Variants in NUFIP2 observed in about 807,000 individuals in gnomAD.
NUFIP2 encodes nuclear FMR1 interacting protein 2.
A neutral mutation model predicts 56.9 loss-of-function variants in NUFIP2; 6 were observed. The ratio of observed to expected loss-of-function variants is 0.11; its 90% confidence interval spans 0.06 to 0.21. The LOEUF is 0.21. NUFIP2 is among the 10% of genes least tolerant of loss of function. The pLI is 1.00. For missense variants in NUFIP2, 828 were observed against 826.8 expected (o/e 1.00, Z -0.02); for synonymous variants, 321 against 298.2 (o/e 1.08, Z -0.79).
chr17:29,279,534 C>A (rs961647154), intron 2 of NUFIP2, among the ~76,000 whole-genome samples: 1 of 152,076 alleles, frequency 6.6e-6, no homozygotes, highest in Non-Finnish European at 1.5e-5. Flanking sequence ...TGCTTAATAC[C>A]AACTGTTGTA....
intron 2 of NUFIP2, among the ~76,000 whole-genome samples, chr17:29,269,710 A>G (rs2069060098): frequency 1.3e-5 from 2 of 151,968 alleles, no homozygotes; most frequent in Admixed American, 6.6e-5. Flanking sequence ...ATTGGGCTCA[A>G]GCAATCCTTC....
chr17:29,285,529 TG>T (rs11339264), intron 2 of NUFIP2, among the ~76,000 whole-genome samples: 62,142 of 151,632 alleles, frequency 0.41, 12,695 homozygotes, highest in East Asian at 0.54. Flanking sequence ...AGGTGGAGGT[TG>T]CAGTGGGCCG....
chr17:29,268,490 C>G (rs2069052032), intron 2 of NUFIP2, among the ~76,000 whole-genome samples: 1 of 152,078 alleles, frequency 6.6e-6, no homozygotes, highest in South Asian at 2.1e-4. Flanking sequence ...AACCTCTAAA[C>G]CACACCTCTT....
intron 1 of NUFIP2, among the ~76,000 whole-genome samples, chr17:29,290,304 TTAAC>T (rs1314231601): frequency 6.6e-6 from 1 of 152,090 alleles, no homozygotes; most frequent in Non-Finnish European, 1.5e-5. Context: ...TGGCACAATT[TTAAC>T]TATGAAACAG....
At chr17:29,283,649 T>C (rs2069153428) in intron 2 of NUFIP2, among the ~76,000 whole-genome samples, 2 of 152,168 alleles carry the variant, frequency 1.3e-5, no homozygotes, top group Admixed American at 6.5e-5. Context: ...GCTCACACAA[T>C]GATCGCCAGT....
At chr17:29,293,730 T>G in intron 1 of NUFIP2, 53 bp downstream of exon 1, 61 of 1,011,582 alleles carry the variant, frequency 6.0e-5, no homozygotes, top group Non-Finnish European at 8.4e-5. Context: ...CACCCCCATC[T>G]CTCCTGTCCT....
At chr17:29,289,835 T>C (rs1330734340) in intron 1 of NUFIP2, among the ~76,000 whole-genome samples, 1 of 152,196 alleles carries the variant, frequency 6.6e-6, no homozygotes, top group Non-Finnish European at 1.5e-5. Flanking sequence ...TGTATTAAAG[T>C]AACCCAAGAA....
intron 2 of NUFIP2, among the ~76,000 whole-genome samples, chr17:29,278,122 T>A (rs1161713258): frequency 6.6e-6 from 1 of 152,216 alleles, no homozygotes; most frequent in Non-Finnish European, 1.5e-5. Flanking sequence ...ATGAACTCTT[T>A]TCTGAAGCTA....
intron 3 of NUFIP2, 33 bp downstream of exon 3, chr17:29,267,465 T>C (rs771469124): frequency 2.5e-6 from 3 of 1,217,836 alleles, no homozygotes; most frequent in South Asian, 2.6e-5. Context: ...GGTTACTTAT[T>C]AGTGACATTT....
rs1663884905 is a variant in NUFIP2, at chr17:29,257,235, C to T, written c.*7304G>A. 6.6e-6 allele frequency: 1 copy of T among 152,114 alleles called. No homozygotes were observed. Among genetic ancestry groups the T allele is most frequent in the Non-Finnish European group, 1.5e-5 (1 of 68,004 alleles). The allele number at this position is 152,114 out of a possible 1,614,324, so 9.4% of individuals were successfully genotyped here. A position where few individuals can be genotyped will look rare whatever the true frequency, so the allele number is the denominator to read the frequency against. On this transcript the variant is annotated 3_prime_UTR_variant, in exon 4 of 4. Coordinates refer to ENST00000225388, the MANE Select transcript of NUFIP2 (RefSeq NM_020772.3). Reference sequence around the variant, plus strand: ...TCCTAGTTCCACTGATGAGCTAGCCCAGAACTATGTAACTTTGAGCCAAGT... The same window carrying T: ...TCCTAGTTCCACTGATGAGCTAGCCTAGAACTATGTAACTTTGAGCCAAGT...
At chr17:29,293,737 T>TC in intron 1 of NUFIP2, 46 bp downstream of exon 1, 1 of 1,172,442 alleles carries the variant, frequency 8.5e-7, no homozygotes, top group African/African-American at 1.5e-5. Flanking sequence ...ATCTCTCCTG[T>TC]CCTCCACCCC....
intron 2 of NUFIP2, among the ~76,000 whole-genome samples, chr17:29,274,854 A>G (rs927907453): frequency 2.6e-5 from 4 of 152,178 alleles, no homozygotes; most frequent in African/African-American, 9.7e-5. Flanking sequence ...TAGAAAAGAA[A>G]AAAATGGAGA....
chr17:29,266,307 T>G (rs1023506450), intron 3 of NUFIP2, among the ~76,000 whole-genome samples: 38 of 152,124 alleles, frequency 2.5e-4, no homozygotes, highest in African/African-American at 8.2e-4. Flanking sequence ...TTCATTTGTT[T>G]GGTAAGATAC....
chr17:29,292,101 T>TCAC (rs1176833691), intron 1 of NUFIP2, among the ~76,000 whole-genome samples: 55 of 152,350 alleles, frequency 3.6e-4, no homozygotes, highest in Non-Finnish European at 2.8e-4. Flanking sequence ...CGTGAAATAC[T>TCAC]TTCTTACATG....
chr17:29,258,679 A>AT lies in NUFIP2; in HGVS notation c.*5859dup, dbSNP rs569596788. 23 of 152,338 alleles carry AT rather than the reference A, an allele frequency of 1.5e-4. No homozygotes were observed. The East Asian group carries it at 4.4e-3, about 29-fold the overall frequency. 9.4% of individuals were successfully genotyped at this position (152,338 alleles called of 1,614,324 possible). ...CTAAGTTATTGTCCTTCATAGGACA[A>AT]TATCAGCTAAGAATTAGTTACTTGT... On this transcript the variant is annotated 3_prime_UTR_variant, in exon 4 of 4. Coordinates refer to ENST00000225388, the MANE Select transcript of NUFIP2 (RefSeq NM_020772.3).
chr17:29,259,298 T>C lies in NUFIP2; in HGVS notation c.*5241A>G, dbSNP rs1212087318. 1 of 152,158 alleles carries C rather than the reference T, an allele frequency of 6.6e-6. No homozygotes were observed. Among genetic ancestry groups the C allele is most frequent in the African/African-American group, 2.4e-5 (1 of 41,452 alleles). 9.4% of individuals were successfully genotyped at this position (152,158 alleles called of 1,614,324 possible). A position where few individuals can be genotyped will look rare whatever the true frequency, so the allele number is the denominator to read the frequency against. On this transcript the variant is annotated 3_prime_UTR_variant, in exon 4 of 4. Coordinates refer to ENST00000225388, the MANE Select transcript of NUFIP2 (RefSeq NM_020772.3). ...TAATAAGGCTGTAGAAAAGAGATAC[T>C]TGGCCGGGCACGGTGGCTCACACCT...
chr17:29,293,252 G>A (rs933285208), intron 1 of NUFIP2, among the ~76,000 whole-genome samples: 43 of 151,456 alleles, frequency 2.8e-4, no homozygotes, highest in African/African-American at 9.7e-4. Context: ...CACCGAGACG[G>A]GGAGCCCCAA....
rs1393295781 is a variant in NUFIP2 at position 29,258,256 on chromosome 17, T to C, written c.*6283A>G. On this transcript the variant is annotated 3_prime_UTR_variant, in exon 4 of 4. Coordinates refer to ENST00000225388, the MANE Select transcript of NUFIP2 (RefSeq NM_020772.3). Reference sequence around the variant, plus strand: ...CATTTGGTGTTTCCCACCCATTATTTTGGGTTCAATCACCTTCAAGTTTGG... The same window carrying C: ...CATTTGGTGTTTCCCACCCATTATTCTGGGTTCAATCACCTTCAAGTTTGG... The C allele has an allele frequency of 1.3e-5, 2 of 152,190 alleles. No individual in the cohort carries two copies. The highest frequency in any genetic ancestry group is 6.5e-5 in the Admixed American group (1 of 15,280). The allele number at this position is 152,190 out of a possible 1,614,324, so 9.4% of individuals were successfully genotyped here.
At chr17:29,275,984 C>A (rs1440461736) in intron 2 of NUFIP2, among the ~76,000 whole-genome samples, 1 of 149,506 alleles carries the variant, frequency 6.7e-6, no homozygotes. Flanking sequence ...GCCAAGATTG[C>A]GCCACTGCAC....
Sources: allele counts gnomAD v4.1 joint callset (sites outside exome capture counted in the v4.1 genomes callset), GRCh38; gene constraint gnomAD v4.1.1; transcripts MANE v1.5; gene names NCBI Gene and HGNC (gene_info 2026-07-23, HGNC 2026-07-21).